TENM2: variants seen among roughly 807,000 people sequenced by gnomAD.
The protein encoded by TENM2 is teneurin-2.
Under a neutral mutation model 245.2 loss-of-function variants are expected in TENM2, and 52 were observed. The observed-to-expected ratio is 0.21, with a 90% CI of 0.17 to 0.27. The LOEUF is 0.27. Ranked by LOEUF, TENM2 falls within the 10% of genes least tolerant of loss-of-function variation. TENM2 has a pLI of 1.00. For synonymous variants in TENM2, 1,363 were observed against 1,438.9 expected, an observed-to-expected ratio of 0.95 and a Z score of 1.19; for missense variants, 3,046 against 3,666.8, an observed-to-expected ratio of 0.83 and a Z score of 4.37.
intron 2 of TENM2, among the ~76,000 whole-genome samples, chr5:167,387,844 A>G (rs1414755084): frequency 1.3e-5 from 2 of 152,172 alleles, no homozygotes; most frequent in African/African-American, 2.4e-5. Flanking sequence ...CTGTTAAACC[A>G]TCTCTGAATC....
chr5:167,322,854 C>T (rs1756851606), intron 1 of TENM2, among the ~76,000 whole-genome samples: 1 of 152,182 alleles, frequency 6.6e-6, no homozygotes, highest in Non-Finnish European at 1.5e-5. Context: ...ATCTTAATAG[C>T]TCCGATCACT....
intron 2 of TENM2, among the ~76,000 whole-genome samples, chr5:167,699,844 A>C (rs970875746): frequency 5.3e-5 from 8 of 152,184 alleles, no homozygotes; most frequent in Non-Finnish European, 7.4e-5. Flanking sequence ...CAACAATCCT[A>C]TGTAGTAGAA....
intron 11 of TENM2, among the ~76,000 whole-genome samples, chr5:168,126,365 A>G (rs1795851402): frequency 6.6e-6 from 1 of 152,124 alleles, no homozygotes; most frequent in African/African-American, 2.4e-5. Context: ...AACTGGTTGG[A>G]GTGGTCTCAA....
the TENM2 span, among the ~76,000 whole-genome samples, chr5:167,154,483 A>T: frequency 6.6e-6 from 1 of 152,222 alleles, no homozygotes; most frequent in Non-Finnish European, 1.5e-5. Context: ...ACTGCAAAAT[A>T]CATTTTTTTA....
the TENM2 span, among the ~76,000 whole-genome samples, chr5:166,997,901 A>G: frequency 6.6e-6 from 1 of 152,094 alleles, no homozygotes. Context: ...ACATAAATAA[A>G]CAACAGATAA....
intron 2 of TENM2, among the ~76,000 whole-genome samples, chr5:167,718,433 A>G (rs1759410134): frequency 6.6e-6 from 1 of 152,198 alleles, no homozygotes. Flanking sequence ...GGTAATCACC[A>G]CTGTCCTCTC....
At chr5:167,368,491 T>G (rs58971787) in intron 1 of TENM2, among the ~76,000 whole-genome samples, 15,709 of 152,148 alleles carry the variant, frequency 0.1, 1,552 homozygotes, top group East Asian at 0.35. Flanking sequence ...AACCTTTTAT[T>G]TAAATAATTA....
At chr5:167,111,698 G>A in the TENM2 span, among the ~76,000 whole-genome samples, 1 of 152,150 alleles carries the variant, frequency 6.6e-6, no homozygotes, top group Non-Finnish European at 1.5e-5. Context: ...TTAAGTTACA[G>A]AAATCCTAAA....
In TENM2 at chr5:167,353,500, G is replaced by GTTTTTTTTTTTTT. The variant is rs59240930; in HGVS notation, c.227-21685_227-21673dup. Among the ~76,000 whole-genome samples, 5 of 79,440 alleles carry GTTTTTTTTTTTTT rather than the reference G, an allele frequency of 6.3e-5. 1 individual carries two copies. The highest frequency in any genetic ancestry group is 4.4e-4 in the East Asian group (1 of 2,260). The allele number at this position is 79,440 out of a possible 152,430, so 52.1% of individuals were successfully genotyped here. The stretch of plus-strand genomic sequence containing the variant: ...TATGGTGTTTTTTGTTGTTGTTGTT[G>GTTTTTTTTTTTTT]TTTTTTTTTTTTTTTTTTTTTTTTT... On this transcript the variant is annotated intron_variant, in intron 1 of 28. Coordinates refer to ENST00000518659, the Ensembl canonical transcript of TENM2.
rs915536678 is a variant in TENM2, at chr5:168,177,408, G to A, written c.2570-12929G>A. 2.0e-5 allele frequency among the ~76,000 whole-genome samples: 3 copies of A among 152,232 alleles called. No individual in the cohort carries two copies. The South Asian group carries it at 6.2e-4, about 32-fold the overall frequency. Reference sequence around the variant, plus strand: ...AGGAACCAAGACTCAGAGAGGTAAAGTAACTAGCCCAAGGCCACACAGCCA... The same window carrying A: ...AGGAACCAAGACTCAGAGAGGTAAAATAACTAGCCCAAGGCCACACAGCCA... On this transcript the variant is annotated intron_variant, in intron 13 of 28. Transcript: ENST00000518659.
intron 2 of TENM2, among the ~76,000 whole-genome samples, chr5:167,534,964 C>T (rs906842257): frequency 6.6e-6 from 1 of 152,096 alleles, no homozygotes; most frequent in African/African-American, 2.4e-5. Flanking sequence ...CAGTTGGCAG[C>T]ATGTTGTTAA....
chr5:167,400,542 T>C (rs1252588982), intron 2 of TENM2, among the ~76,000 whole-genome samples: 6 of 152,024 alleles, frequency 3.9e-5, no homozygotes, highest in African/African-American at 1.5e-4. Context: ...AATGTTTTTA[T>C]GGAAATAATC....
chr5:167,940,520 C>A (rs1294915971), intron 3 of TENM2, among the ~76,000 whole-genome samples: 1 of 152,146 alleles, frequency 6.6e-6, no homozygotes, highest in South Asian at 2.1e-4. Flanking sequence ...GACATTTGAG[C>A]TGAGACCTGC....
intron 24 of TENM2, among the ~76,000 whole-genome samples, chr5:168,227,590 G>T (rs543557891): frequency 1.4e-4 from 21 of 148,724 alleles, no homozygotes; most frequent in Non-Finnish European, 3.0e-4. Flanking sequence ...GACACAAATT[G>T]TGTAGGCAAT....
chr5:167,563,748 T>G (rs1239840515), intron 2 of TENM2, among the ~76,000 whole-genome samples: 2 of 152,180 alleles, frequency 1.3e-5, no homozygotes, highest in Admixed American at 6.5e-5. Context: ...TTACTGTACT[T>G]TTTCTATGGT....
chr5:166,981,787 C>A, the TENM2 span, among the ~76,000 whole-genome samples: 56 of 152,004 alleles, frequency 3.7e-4, no homozygotes, highest in Non-Finnish European at 7.6e-4. Flanking sequence ...TACCCAGCCA[C>A]CCCTCTGTCT....
At chr5:168,149,364 C>T in intron 12 of TENM2, 1 of 456,982 alleles carries the variant, frequency 2.2e-6, no homozygotes, top group South Asian at 1.5e-5. Flanking sequence ...AATCCAGCTT[C>T]AGCAACCTCA....
intron 2 of TENM2, among the ~76,000 whole-genome samples, chr5:167,690,564 C>G (rs1172926747): frequency 6.6e-6 from 1 of 152,130 alleles, no homozygotes; most frequent in African/African-American, 2.4e-5. Flanking sequence ...CGACTAAATA[C>G]TTGTGTGGCT....
the TENM2 span, among the ~76,000 whole-genome samples, chr5:167,090,353 A>C: frequency 6.6e-6 from 1 of 152,052 alleles, no homozygotes; most frequent in Non-Finnish European, 1.5e-5. Flanking sequence ...TAGTCATTAA[A>C]GCCAAAGAAA....
Sources: gnomAD v4.1 joint callset for allele counts (sites outside exome capture counted in the v4.1 genomes callset) on GRCh38, gnomAD v4.1.1 for gene constraint, MANE v1.5 for transcripts, NCBI Gene and HGNC (gene_info 2026-07-23, HGNC 2026-07-21) for gene names.